Variants in PARM1 observed in about 807,000 individuals in gnomAD.
PARM1 encodes WSC4, cell wall integrity and stress response component 4 homolog.
A neutral mutation model predicts 24.6 loss-of-function variants in PARM1; 14 were observed. The observed-to-expected ratio is 0.57, with a 90% CI of 0.38 to 0.89. The LOEUF (loss-of-function observed/expected upper bound fraction) is 0.89, where lower values mean the gene tolerates loss of function less well. PARM1 is among the 40% of genes least tolerant of loss of function. The probability of loss-of-function intolerance (pLI) is 0.00; values close to 1 mark genes in which losing one functional copy is unlikely to be tolerated. For synonymous variants in PARM1, 179 were observed against 156.6 expected (o/e 1.14, Z -1.07); for missense variants, 362 against 380.4 (o/e 0.95, Z 0.40).
chr4:75,040,441 G>GA lies in PARM1; in HGVS notation c.849-5713dup, dbSNP rs749437643. Among the ~76,000 whole-genome samples, 403 of 149,926 alleles carry GA rather than the reference G, an allele frequency of 2.7e-3. 2 individuals carry two copies. The highest frequency in any genetic ancestry group is 1.5e-3 in the Non-Finnish European group (99 of 67,364). ...CTTTTTAAAAGAAACCCAGAGTCTG[G>GA]AAAAAAAAAGGATTTTAAAAATAAA... On this transcript the variant is annotated intron_variant, in intron 3 of 3. Transcript: ENST00000307428.
chr4:74,961,366 A>G (rs768854712), intron 1 of PARM1, among the ~76,000 whole-genome samples: 2 of 152,202 alleles, frequency 1.3e-5, no homozygotes, highest in Admixed American at 6.5e-5. Flanking sequence ...GAGAAGAAGG[A>G]AAGAGAAAAG....
At chr4:74,951,234 C>T (rs574549421) in intron 1 of PARM1, among the ~76,000 whole-genome samples, 12 of 152,344 alleles carry the variant, frequency 7.9e-5, no homozygotes, top group African/African-American at 2.6e-4. Context: ...CACTTCTCCT[C>T]TGCCAGGTTC....
In PARM1 at chr4:75,033,899, TACCGTG is replaced by T. The variant is rs1415372742; in HGVS notation, c.789_794del (p.Thr265_Val266del). ...CCTTCACAGGCAGCATCGCCGCCAT[TACCGTG>T]ACAGTCATTGCCGTGGTGCTGCTGG... On this transcript the variant is annotated inframe_deletion, in exon 3 of 4. Coordinates refer to ENST00000307428, the MANE Select transcript of PARM1 (RefSeq NM_015393.4). 1 of 1,603,132 alleles carries T rather than the reference TACCGTG, an allele frequency of 6.2e-7. No homozygotes were observed.
intron 1 of PARM1, among the ~76,000 whole-genome samples, chr4:74,987,981 T>A (rs571381571): frequency 1.4e-4 from 21 of 152,362 alleles, no homozygotes; most frequent in African/African-American, 4.8e-4. Flanking sequence ...GGCCCTGGGC[T>A]AGTAGCCTTG....
At chr4:74,933,406 G>A (rs763727829) in intron 1 of PARM1, 36 bp downstream of exon 1, 1 of 1,598,562 alleles carries the variant, frequency 6.3e-7, no homozygotes, top group Non-Finnish European at 8.6e-7. Flanking sequence ...GGCAGGTCGC[G>A]GGGTGGGCCC....
At chr4:74,996,198 G>A (rs1414624430) in intron 1 of PARM1, among the ~76,000 whole-genome samples, 1 of 152,030 alleles carries the variant, frequency 6.6e-6, no homozygotes, top group Non-Finnish European at 1.5e-5. Flanking sequence ...ACAGGCCCCT[G>A]TGTTGTCACT....
At chr4:74,953,747 CAAG>C (rs1239461218) in intron 1 of PARM1, among the ~76,000 whole-genome samples, 1 of 152,126 alleles carries the variant, frequency 6.6e-6, no homozygotes. Context: ...AAAGAACTGA[CAAG>C]AAACATTAAA....
At chr4:75,039,324 G>T (rs1723432187) in intron 3 of PARM1, among the ~76,000 whole-genome samples, 1 of 152,136 alleles carries the variant, frequency 6.6e-6, no homozygotes, top group African/African-American at 2.4e-5. Context: ...GAGGTCAGGA[G>T]ATCGAGGCCA....
intron 3 of PARM1, among the ~76,000 whole-genome samples, chr4:75,044,058 A>T (rs915273846): frequency 6.6e-6 from 1 of 152,080 alleles, no homozygotes; most frequent in Non-Finnish European, 1.5e-5. Context: ...AAAAAAAAAA[A>T]AATTGTCTTT....
intron 3 of PARM1, among the ~76,000 whole-genome samples, chr4:75,036,739 C>A (rs1723380377): frequency 1.3e-5 from 2 of 152,188 alleles, no homozygotes; most frequent in Admixed American, 1.3e-4. Context: ...ATATTTTCCC[C>A]AGGCGTTCAG....
At chr4:75,004,240 A>G (rs1425080799) in intron 1 of PARM1, among the ~76,000 whole-genome samples, 1 of 152,244 alleles carries the variant, frequency 6.6e-6, no homozygotes, top group African/African-American at 2.4e-5. Flanking sequence ...ATGAATATTT[A>G]TTGAGCACTT....
At chr4:74,994,975 T>A (rs1256340744) in intron 1 of PARM1, among the ~76,000 whole-genome samples, 1 of 151,956 alleles carries the variant, frequency 6.6e-6, no homozygotes, top group Non-Finnish European at 1.5e-5. Flanking sequence ...GTACAAACAA[T>A]CCAAAACAGC....
chr4:74,936,741 C>T (rs924226245), intron 1 of PARM1, among the ~76,000 whole-genome samples: 1 of 152,080 alleles, frequency 6.6e-6, no homozygotes, highest in African/African-American at 2.4e-5. Context: ...AGGTGTGAGC[C>T]ACCGCGCCCG....
chr4:74,981,923 G>T (rs1722265380), intron 1 of PARM1, among the ~76,000 whole-genome samples: 1 of 147,356 alleles, frequency 6.8e-6, no homozygotes, highest in Non-Finnish European at 1.5e-5. Context: ...GATATCATTT[G>T]ACCCAGCAAT....
intron 1 of PARM1, among the ~76,000 whole-genome samples, chr4:74,960,937 G>A (rs1384716735): frequency 1.3e-5 from 2 of 151,468 alleles, no homozygotes; most frequent in African/African-American, 2.4e-5. Flanking sequence ...CCCGGGAGGC[G>A]GAGCTTGCAG....
At chr4:75,026,515 G>A (rs898670041) in intron 2 of PARM1, among the ~76,000 whole-genome samples, 1 of 152,100 alleles carries the variant, frequency 6.6e-6, no homozygotes, top group Non-Finnish European at 1.5e-5. Flanking sequence ...GACTGTCATC[G>A]GGATGAGTTC....
intron 1 of PARM1, among the ~76,000 whole-genome samples, chr4:74,952,280 G>C (rs892045209): frequency 6.6e-6 from 1 of 152,026 alleles, no homozygotes; most frequent in East Asian, 1.9e-4. Context: ...CTTTTTAATG[G>C]GGTTGTTTAT....
chr4:74,947,507 C>T (rs1373019251), intron 1 of PARM1, among the ~76,000 whole-genome samples: 1 of 152,116 alleles, frequency 6.6e-6, no homozygotes, highest in Non-Finnish European at 1.5e-5. Flanking sequence ...TAAATGATGA[C>T]ATTTGTAAGA....
At chr4:74,986,346 A>G (rs1048416393) in intron 1 of PARM1, among the ~76,000 whole-genome samples, 1 of 152,206 alleles carries the variant, frequency 6.6e-6, no homozygotes, top group Non-Finnish European at 1.5e-5. Flanking sequence ...AATTATACTC[A>G]AAGTGCTAAT....
Sources: allele counts gnomAD v4.1 joint callset (sites outside exome capture counted in the v4.1 genomes callset), GRCh38; gene constraint gnomAD v4.1.1; transcripts MANE v1.5; gene names NCBI Gene and HGNC (gene_info 2026-07-23, HGNC 2026-07-21).